The following CARNMT1 variants were observed in gnomAD, a reference collection of about 807,000 sequenced individuals.
The protein encoded by CARNMT1 is carnosine N-methyltransferase 1.
A neutral mutation model predicts 49.6 loss-of-function variants in CARNMT1; 28 were observed. The observed-to-expected ratio is 0.56, with a 90% CI of 0.42 to 0.77. The LOEUF (loss-of-function observed/expected upper bound fraction) is 0.77. Ranked by LOEUF, CARNMT1 falls within the 30% of genes least tolerant of loss-of-function variation. The pLI is 0.00. For synonymous variants in CARNMT1, 178 were observed against 175.0 expected, an observed-to-expected ratio of 1.02 and a Z score of -0.13; for missense variants, 421 against 512.6, an observed-to-expected ratio of 0.82 and a Z score of 1.73.
intron 6 of CARNMT1, chr9:74,996,149 A>T (rs184513325): frequency 2.1e-4 from 47 of 222,844 alleles, no homozygotes; most frequent in African/African-American, 8.1e-4. Flanking sequence ...CCACTGTCTC[A>T]GCATGTGGGA....
At position 75,004,511 on chromosome 9, in the gene CARNMT1, C is replaced by A. The variant is rs74512550; in HGVS notation, c.591-4641G>T. On this transcript the variant is annotated intron_variant, in intron 3 of 7. Coordinates refer to ENST00000376834, the MANE Select transcript of CARNMT1 (RefSeq NM_152420.3). The stretch of plus-strand genomic sequence containing the variant: ...ACTTGAAAGAAATATGAAACACATA[C>A]CTGTCTTTGGTCTCAGGATGAGGGA... Among the ~76,000 whole-genome samples, 1,291 of 152,246 alleles carry A rather than the reference C, an allele frequency of 8.5e-3. 22 individuals carry two copies. Among genetic ancestry groups the A allele is most frequent in the African/African-American group, 0.029 (1,212 of 41,546 alleles).
At chr9:75,020,051 C>A (rs2376382) in intron 1 of CARNMT1, among the ~76,000 whole-genome samples, 68,493 of 151,864 alleles carry the variant, frequency 0.45, 15,628 homozygotes, top group South Asian at 0.5. Flanking sequence ...AAAAACTACA[C>A]AGAAAGCAAA....
chr9:75,016,148 A>C lies in CARNMT1; in HGVS notation c.590+120T>G, dbSNP rs536493008. 20 of 706,562 alleles carry C rather than the reference A, an allele frequency of 2.8e-5. No homozygotes were observed. In the East Asian group the frequency reaches 4.5e-4, roughly 16 times the overall value. 43.8% of individuals were successfully genotyped at this position (706,562 alleles called of 1,614,324 possible). ...CAATAACAAATGTTAACACTTACAC[A>C]TGTAAAACATACAGGCACACAGCAA... On this transcript the variant is annotated intron_variant, in intron 3 of 7. Coordinates refer to ENST00000376834, the MANE Select transcript of CARNMT1 (RefSeq NM_152420.3).
intron 5 of CARNMT1, 21 bp downstream of exon 5, chr9:74,998,577 A>G (rs1833264378): frequency 1.3e-6 from 2 of 1,513,284 alleles, no homozygotes; most frequent in Non-Finnish European, 1.8e-6. Context: ...AAGACTTTTT[A>G]AACGCTTGAT....
At chr9:74,997,416 C>T (rs560645035) in intron 5 of CARNMT1, among the ~76,000 whole-genome samples, 1 of 152,196 alleles carries the variant, frequency 6.6e-6, no homozygotes, top group East Asian at 1.9e-4. Context: ...TGCTTTAAGC[C>T]CTCCAATGGC....
At chr9:75,018,850 C>T (rs1833925640) in intron 1 of CARNMT1, among the ~76,000 whole-genome samples, 1 of 151,874 alleles carries the variant, frequency 6.6e-6, no homozygotes, top group African/African-American at 2.4e-5. Flanking sequence ...ACCAGTAATC[C>T]CAGCTACTTG....
chr9:75,017,540 CTTA>C, intron 1 of CARNMT1, 92 bp from the exon 2 acceptor site: 1 of 1,026,178 alleles, frequency 9.7e-7, no homozygotes, highest in African/African-American at 1.6e-5. Context: ...CAATTATTTC[CTTA>C]TTATGCTGGA....
intron 6 of CARNMT1, among the ~76,000 whole-genome samples, chr9:74,995,316 T>A (rs1054548864): frequency 6.6e-6 from 1 of 152,172 alleles, no homozygotes; most frequent in Admixed American, 6.5e-5. Context: ...AACTATAACA[T>A]AGTGCCATTT....
chr9:74,996,448 T>C lies in CARNMT1; in HGVS notation c.1023A>G (p.Leu341=), dbSNP rs1833190992. The C allele has an allele frequency of 6.4e-7, 1 of 1,552,670 alleles. No homozygotes were observed. Among genetic ancestry groups the C allele is most frequent in the Non-Finnish European group, 8.8e-7 (1 of 1,135,554 alleles). ...TTTAGTAAATACTAAAAAACTTACC[T>C]AGATTTATCCAAATTCCACCTGGCT... ...ILKPGGIWIN[L]GPLLYHFENL... is the part of the protein sequence containing the mutation. The change falls in exon 6 of 8, where the codon CTA becomes CTG. Residue 341 remains leucine, a splice_region_variant and synonymous_variant. Transcript: ENST00000376834.
chr9:74,991,192 G>T (rs538833699), intron 6 of CARNMT1: 3 of 151,876 alleles, frequency 2.0e-5, no homozygotes, highest in Non-Finnish European at 2.9e-5. Context: ...CGCCAGGCTG[G>T]AGTGAAGTGG....
chr9:75,019,540 T>A (rs1354378820), intron 1 of CARNMT1, among the ~76,000 whole-genome samples: 1 of 152,180 alleles, frequency 6.6e-6, no homozygotes, highest in Non-Finnish European at 1.5e-5. Context: ...ACATTTAGTA[T>A]CTCTTCCCTC....
chr9:74,992,801 T>C (rs1008957138), intron 6 of CARNMT1, among the ~76,000 whole-genome samples: 7 of 152,210 alleles, frequency 4.6e-5, no homozygotes, highest in African/African-American at 1.7e-4. Flanking sequence ...CCAATGTCAT[T>C]TGTTCCAGAA....
At chr9:75,018,319 C>T (rs530116069) in intron 1 of CARNMT1, among the ~76,000 whole-genome samples, 4 of 152,222 alleles carry the variant, frequency 2.6e-5, no homozygotes, top group East Asian at 1.9e-4. Flanking sequence ...CTGCCCTGGT[C>T]GCCCAAAGTA....
At chr9:75,018,061 CTTA>C (rs1289460263) in intron 1 of CARNMT1, among the ~76,000 whole-genome samples, 4 of 151,930 alleles carry the variant, frequency 2.6e-5, no homozygotes, top group South Asian at 4.1e-4. Context: ...CTTATATTTA[CTTA>C]TTATTATTAT....
At chr9:75,021,977 AC>A (rs1252337541) in intron 1 of CARNMT1, among the ~76,000 whole-genome samples, 1 of 151,950 alleles carries the variant, frequency 6.6e-6, no homozygotes, top group African/African-American at 2.4e-5. Context: ...CTAGCATCTT[AC>A]TTTTTTTAAG....
chr9:75,008,183 A>AC (rs796930904), intron 3 of CARNMT1, among the ~76,000 whole-genome samples: 4 of 150,918 alleles, frequency 2.7e-5, no homozygotes, highest in African/African-American at 4.9e-5. Context: ...AAAAAAAAAA[A>AC]AAAAAAAAAA....
chr9:75,021,777 A>T (rs770480972), intron 1 of CARNMT1, among the ~76,000 whole-genome samples: 2 of 152,012 alleles, frequency 1.3e-5, no homozygotes, highest in African/African-American at 2.4e-5. Flanking sequence ...ACAAAAAAAT[A>T]AAAAAACAAA....
chr9:75,013,864 G>C (rs1326744664), intron 3 of CARNMT1, among the ~76,000 whole-genome samples: 2 of 151,606 alleles, frequency 1.3e-5, no homozygotes, highest in Non-Finnish European at 2.9e-5. Context: ...AAAATTAGCT[G>C]GGAGGCTGAG....
At chr9:75,007,009 G>C (rs1015385856) in intron 3 of CARNMT1, among the ~76,000 whole-genome samples, 2 of 152,114 alleles carry the variant, frequency 1.3e-5, no homozygotes, top group Non-Finnish European at 2.9e-5. Flanking sequence ...CAGAAATGAT[G>C]TTGATATAAA....
Sources: allele counts gnomAD v4.1 joint callset (sites outside exome capture counted in the v4.1 genomes callset), GRCh38; gene constraint gnomAD v4.1.1; transcripts MANE v1.5; gene names NCBI Gene and HGNC (gene_info 2026-07-23, HGNC 2026-07-21).